SPG11: variants seen among roughly 807,000 people sequenced by gnomAD.
SPG11 encodes the protein spatacsin.
SPG11 carries 222 observed loss-of-function variants against 274.0 expected under a neutral mutation model. The ratio of observed to expected loss-of-function variants is 0.81; its 90% CI spans 0.73 to 0.91. The LOEUF (loss-of-function observed/expected upper bound fraction) is 0.91, where lower values mean the gene tolerates loss of function less well. SPG11 is among the 40% of genes least tolerant of loss of function. The pLI is 0.00. For synonymous variants in SPG11, 1,144 were observed against 1,039.7 expected (o/e 1.10, Z -1.93); for missense variants, 3,114 against 2,872.7 (o/e 1.08, Z -1.92).
chr15:44,615,892 C>T lies in SPG11; in HGVS notation c.2835-326G>A, dbSNP rs139207258. On this transcript the variant is annotated intron_variant, in intron 15 of 39. Transcript: ENST00000261866. ...AGTGGTTAACCCTTGAAGCTAGATGCTCTAAGCACTGAGAAATTCACCAAG... is the reference window on the plus strand; with the variant it reads ...AGTGGTTAACCCTTGAAGCTAGATGTTCTAAGCACTGAGAAATTCACCAAG... Among the ~76,000 whole-genome samples the T allele has an allele frequency of 4.4e-3, 672 of 152,232 alleles. 3 individuals are homozygous for T. Among genetic ancestry groups the T allele is most frequent in the African/African-American group, 0.016 (651 of 41,556 alleles).
intron 29 of SPG11, among the ~76,000 whole-genome samples, chr15:44,585,264 G>A (rs532283733): frequency 6.6e-6 from 1 of 151,848 alleles, no homozygotes; most frequent in Non-Finnish European, 1.5e-5. Flanking sequence ...GTTTAATGCT[G>A]ATTTTAAAAG....
intron 15 of SPG11, 122 bp downstream of exon 15, chr15:44,620,068 T>C: frequency 2.4e-6 from 2 of 828,564 alleles, no homozygotes; most frequent in Non-Finnish European, 3.9e-6. Flanking sequence ...TTAAATTTTA[T>C]AGTAATATGA....
At chr15:44,592,463 T>C (rs2082926901) in intron 26 of SPG11, 25 bp from the exon 27 acceptor site, 2 of 1,366,122 alleles carry the variant, frequency 1.5e-6, no homozygotes, top group African/African-American at 1.4e-5. Flanking sequence ...TTGAAAAAAA[T>C]TACAAAATTT....
intron 38 of SPG11, among the ~76,000 whole-genome samples, chr15:44,565,336 CCA>C (rs1167079903): frequency 6.6e-6 from 1 of 152,184 alleles, no homozygotes; most frequent in Non-Finnish European, 1.5e-5. Flanking sequence ...GACAATTTTT[CCA>C]CAGACTGGGA....
At chr15:44,592,480 T>G in intron 26 of SPG11, 42 bp from the exon 27 acceptor site, 1 of 1,189,482 alleles carries the variant, frequency 8.4e-7, no homozygotes, top group Non-Finnish European at 1.3e-6. Flanking sequence ...ATTTTGAACT[T>G]AATATTTTTT....
intron 20 of SPG11, among the ~76,000 whole-genome samples, chr15:44,602,677 T>C (rs2083225755): frequency 6.6e-6 from 1 of 151,948 alleles, no homozygotes; most frequent in Non-Finnish European, 1.5e-5. Flanking sequence ...AGAGACAGGG[T>C]TTCACCGTGT....
In SPG11 at chr15:44,569,370, A is replaced by G. The variant is rs201822383; in HGVS notation, c.6585+28T>C. 2.7e-6 allele frequency: 4 copies of G among 1,480,904 alleles called. No homozygotes were observed. In the African/African-American group the frequency reaches 5.5e-5, roughly 20 times the overall value. The allele number at this position is 1,480,904 out of a possible 1,614,324, so 91.7% of individuals were successfully genotyped here. Reference sequence around the variant, plus strand: ...TCCTGAATTATCAGCAGTACACCCCATCCTGGAGCTCATTACTTTGCACCT... The same window carrying G: ...TCCTGAATTATCAGCAGTACACCCCGTCCTGGAGCTCATTACTTTGCACCT... On this transcript the variant is annotated intron_variant, in intron 35 of 39. Coordinates refer to ENST00000261866, the MANE Select transcript of SPG11 (RefSeq NM_025137.4).
chr15:44,562,976 C>G lies in SPG11; in HGVS notation c.*145G>C. The stretch of plus-strand genomic sequence containing the variant: ...GAATTTCCTCCTGAAAAGTTTCTTA[C>G]TTGCTACCTACTACCCACAAAGGAC... On this transcript the variant is annotated 3_prime_UTR_variant, in exon 40 of 40. Transcript: ENST00000261866. 1 of 733,468 alleles carries G rather than the reference C, an allele frequency of 1.4e-6. No homozygotes were observed. Among genetic ancestry groups the G allele is most frequent in the South Asian group, 1.7e-5 (1 of 57,250 alleles). The allele number at this position is 733,468 out of a possible 1,614,324, so 45.4% of individuals were successfully genotyped here. A position where few individuals can be genotyped will look rare whatever the true frequency, so the allele number is the denominator to read the frequency against.
At chr15:44,621,503 C>G in intron 14 of SPG11, 1 of 445,790 alleles carries the variant, frequency 2.2e-6, no homozygotes. Flanking sequence ...AACAGATTGT[C>G]ACTTTGAAGC....
chr15:44,654,949 C>T (rs1182248542), intron 4 of SPG11, among the ~76,000 whole-genome samples: 2 of 152,118 alleles, frequency 1.3e-5, no homozygotes, highest in Non-Finnish European at 2.9e-5. Context: ...TGTCAAGATG[C>T]AGTATTAAAT....
chr15:44,637,607 G>A (rs1455781674), intron 7 of SPG11, among the ~76,000 whole-genome samples: 2 of 152,090 alleles, frequency 1.3e-5, no homozygotes, highest in Admixed American at 6.5e-5. Flanking sequence ...ACTGTGCCTG[G>A]GTTGGAAAAT....
rs1470576889 is a variant in SPG11, at chr15:44,566,304, C to T, written c.6756G>A (p.Glu2252=). The change falls in exon 37 of 40, where the codon GAG becomes GAA. Residue 2252 remains glutamate, a splice_region_variant and synonymous_variant. Transcript: ENST00000261866. ...QLKLIESQPW[E]DSLKDGHQLK... ...GCTGGTGCCCATCCTTGAGGCTGTC[C>T]TCTGTAGGGGAAATAAAGAAGATTT... 4 of 1,613,772 alleles carry T rather than the reference C, an allele frequency of 2.5e-6. No individual in the cohort carries two copies. The highest frequency in any genetic ancestry group is 1.7e-5 in the Admixed American group (1 of 59,978).
chr15:44,650,434 G>A (rs1009835222), intron 6 of SPG11, among the ~76,000 whole-genome samples: 4 of 152,012 alleles, frequency 2.6e-5, no homozygotes, highest in African/African-American at 9.7e-5. Flanking sequence ...CAGGTGGACT[G>A]TTTGAGGTCA....
At chr15:44,614,813 CTATTGT>C (rs1292454465) in intron 16 of SPG11, among the ~76,000 whole-genome samples, 4 of 152,202 alleles carry the variant, frequency 2.6e-5, no homozygotes, top group African/African-American at 9.6e-5. Context: ...AAGACTACTT[CTATTGT>C]TATTGTTATT....
rs954248015 is a variant in SPG11 at position 44,583,819 on chromosome 15, T to G, written c.5861A>C (p.His1954Pro). Reference protein sequence around the residue: ...EAPDIPLRRVHSTSSLDSQKF... With the variant: ...EAPDIPLRRVPSTSSLDSQKF... Reference sequence around the variant, plus strand: ...ATCTGATCTCCTTCACTTACTGCTGTGGACTCTCCTTAGGGGAATGTCGGG... The same window carrying G: ...ATCTGATCTCCTTCACTTACTGCTGGGGACTCTCCTTAGGGGAATGTCGGG... The change falls in exon 30 of 40, where the codon CAC (histidine) becomes CCC (proline). Residue 1954 changes from histidine (H) to proline (P), a missense_variant. Transcript: ENST00000261866. The G allele has an allele frequency of 9.9e-6, 16 of 1,614,172 alleles. No individual in the cohort carries two copies. Among genetic ancestry groups the G allele is most frequent in the Non-Finnish European group, 1.3e-5 (15 of 1,180,028 alleles).
chr15:44,629,367 G>C lies in SPG11; in HGVS notation c.1757C>G (p.Ala586Gly). The C allele has an allele frequency of 6.2e-7, 1 of 1,614,070 alleles. No individual in the cohort carries two copies. Among genetic ancestry groups the C allele is most frequent in the Non-Finnish European group, 8.5e-7 (1 of 1,180,008 alleles). ...AATTGCCGAGCAAAGTAAATCCAAT[G>C]CTGGTATCAGCTCTTCCACATCTGA... ...YLRNVEELIP[A>G]LDLLCSAIRE... is the part of the protein sequence containing the mutation. Residue 586 changes from alanine to glycine, a missense_variant, in exon 9 of 40, where the codon GCA (alanine) becomes GGA (glycine). Transcript: ENST00000261866.
intron 30 of SPG11, among the ~76,000 whole-genome samples, chr15:44,575,899 T>C (rs2140933003): frequency 6.6e-6 from 1 of 152,150 alleles, no homozygotes; most frequent in South Asian, 2.1e-4. Context: ...TCCCAGCACT[T>C]TGGGAGGCTG....
chr15:44,608,670 T>C (rs2083384686), intron 18 of SPG11, 65 bp from the exon 19 acceptor site: 1 of 1,499,468 alleles, frequency 6.7e-7, no homozygotes, highest in South Asian at 1.2e-5. Flanking sequence ...TTTCTTTTTT[T>C]CACAAGAACC....
At chr15:44,659,505 G>A (rs1239740969) in intron 2 of SPG11, among the ~76,000 whole-genome samples, 1 of 152,116 alleles carries the variant, frequency 6.6e-6, no homozygotes, top group East Asian at 1.9e-4. Context: ...GGCCTACAAT[G>A]TCCCTGATTC....
Sources: allele counts gnomAD v4.1 joint callset (sites outside exome capture counted in the v4.1 genomes callset), GRCh38; gene constraint gnomAD v4.1.1; transcripts MANE v1.5; gene names NCBI Gene and HGNC (gene_info 2026-07-23, HGNC 2026-07-21).